Variants in SGCZ observed in about 807,000 individuals in gnomAD.
The protein encoded by SGCZ is sarcoglycan zeta.
SGCZ carries 40 observed loss-of-function variants against 41.3 expected under a neutral mutation model. The observed-to-expected ratio is 0.97, with a 90% confidence interval of 0.75 to 1.26. The LOEUF (loss-of-function observed/expected upper bound fraction) is 1.26, where lower values mean the gene tolerates loss of function less well. SGCZ is among the 50% of genes most tolerant of loss of function. The pLI is 0.00. For synonymous variants in SGCZ, 206 were observed against 137.5 expected (o/e 1.50, Z -3.49); for missense variants, 552 against 369.8 (o/e 1.49, Z -4.04).
chr8:14,761,254 A>C (rs1158897150), intron 1 of SGCZ, among the ~76,000 whole-genome samples: 1 of 152,142 alleles, frequency 6.6e-6, no homozygotes, highest in Non-Finnish European at 1.5e-5. Flanking sequence ...ATTTCTGAAA[A>C]GTACATATGT....
chr8:14,611,305 G>A (rs1031184249), intron 1 of SGCZ, among the ~76,000 whole-genome samples: 11 of 137,650 alleles, frequency 8.0e-5, no homozygotes, highest in African/African-American at 2.9e-4. Flanking sequence ...TATCTCAAAT[G>A]GAGAGAGTAA....
chr8:15,015,823 C>G lies in SGCZ; in HGVS notation c.39+221762G>C, dbSNP rs181587986. On this transcript the variant is annotated intron_variant, in intron 1 of 7. Transcript: ENST00000382080. The stretch of plus-strand genomic sequence containing the variant: ...TCTGATATCAGTTTCCAATCCCTCC[C>G]TTCTAGCCAATTTATTAAAATTCTT... Among the ~76,000 whole-genome samples, 12 of 148,702 alleles carry G rather than the reference C, an allele frequency of 8.1e-5. No individual in the cohort carries two copies. In the East Asian group the frequency reaches 1.6e-3, roughly 20 times the overall value.
At chr8:15,184,918 T>A (rs1331486082) in intron 1 of SGCZ, among the ~76,000 whole-genome samples, 2 of 152,190 alleles carry the variant, frequency 1.3e-5, no homozygotes, top group African/African-American at 4.8e-5. Flanking sequence ...ATACACATGC[T>A]GTCTGTCTCC....
chr8:14,827,870 A>G (rs1473865031), intron 1 of SGCZ, among the ~76,000 whole-genome samples: 1 of 152,178 alleles, frequency 6.6e-6, no homozygotes, highest in African/African-American at 2.4e-5. Flanking sequence ...ACAGACACAC[A>G]TATCACCCGG....
chr8:14,228,350 T>C (rs1563198294), intron 4 of SGCZ, among the ~76,000 whole-genome samples: 1 of 152,114 alleles, frequency 6.6e-6, no homozygotes, highest in South Asian at 2.1e-4. Flanking sequence ...TAATAAAATA[T>C]CTAAAAGAGA....
chr8:14,391,766 C>A (rs565549663), intron 2 of SGCZ, among the ~76,000 whole-genome samples: 12 of 152,204 alleles, frequency 7.9e-5, no homozygotes, highest in African/African-American at 2.9e-4. Context: ...TAAAGAAAAG[C>A]AATTTAATTG....
chr8:14,639,985 T>A (rs552947599), intron 1 of SGCZ, among the ~76,000 whole-genome samples: 6 of 151,832 alleles, frequency 4.0e-5, no homozygotes, highest in Non-Finnish European at 5.9e-5. Flanking sequence ...TCCCGAGATA[T>A]ACTTGTCATC....
Position 14,269,893 on chromosome 8 carries a change from G to A in SGCZ, c.337-32214C>T, listed in dbSNP as rs140052812. 7.2e-5 allele frequency among the ~76,000 whole-genome samples: 11 copies of A among 152,194 alleles called. No homozygotes were observed. The East Asian group carries it at 1.5e-3, about 21-fold the overall frequency. ...GCTGTCATGTATGTTTATTTGTTAT[G>A]TAAATATGTATTTATAATTTAACAA... On this transcript the variant is annotated intron_variant, in intron 3 of 7. Transcript: ENST00000382080.
chr8:14,646,356 T>C (rs761211964), intron 1 of SGCZ, among the ~76,000 whole-genome samples: 1 of 151,256 alleles, frequency 6.6e-6, no homozygotes, highest in Non-Finnish European at 1.5e-5. Flanking sequence ...TCCAGCTGCA[T>C]CCATGTTGCT....
intron 1 of SGCZ, among the ~76,000 whole-genome samples, chr8:15,015,723 A>G (rs1803004125): frequency 1.0e-5 from 1 of 97,114 alleles, no homozygotes; most frequent in Non-Finnish European, 2.1e-5. Flanking sequence ...AAAGAAATAT[A>G]CACGTGTGTG....
At chr8:14,534,819 T>C (rs1585056674) in intron 2 of SGCZ, among the ~76,000 whole-genome samples, 1 of 152,132 alleles carries the variant, frequency 6.6e-6, no homozygotes, top group South Asian at 2.1e-4. Context: ...ATACTACTAA[T>C]ATTGTGATTT....
chr8:14,463,671 G>T (rs1053106197), intron 2 of SGCZ, among the ~76,000 whole-genome samples: 1 of 151,674 alleles, frequency 6.6e-6, no homozygotes, highest in African/African-American at 2.4e-5. Flanking sequence ...TCAAAAATGT[G>T]TAACAAAAGG....
At chr8:14,465,242 G>A (rs1315509208) in intron 2 of SGCZ, among the ~76,000 whole-genome samples, 1 of 145,222 alleles carries the variant, frequency 6.9e-6, no homozygotes, top group East Asian at 1.9e-4. Flanking sequence ...ATGTTTTGAT[G>A]TTCTGCTATT....
chr8:14,269,977 G>A (rs754268363), intron 3 of SGCZ, among the ~76,000 whole-genome samples: 4 of 152,092 alleles, frequency 2.6e-5, no homozygotes, highest in Non-Finnish European at 5.9e-5. Context: ...ATAAGGATTG[G>A]CTATAAGTGG....
At chr8:14,332,988 G>C (rs1249008849) in intron 2 of SGCZ, among the ~76,000 whole-genome samples, 1 of 151,000 alleles carries the variant, frequency 6.6e-6, no homozygotes, top group African/African-American at 2.4e-5. Context: ...ACGGACCATA[G>C]CTATTCAATC....
At chr8:15,227,034 G>A (rs1347999539) in intron 1 of SGCZ, among the ~76,000 whole-genome samples, 1 of 152,152 alleles carries the variant, frequency 6.6e-6, no homozygotes, top group South Asian at 2.1e-4. Flanking sequence ...GTTAGATCAG[G>A]GTGACTGCAA....
At chr8:14,371,972 A>C (rs1047438476) in intron 2 of SGCZ, among the ~76,000 whole-genome samples, 1 of 152,140 alleles carries the variant, frequency 6.6e-6, no homozygotes, top group Non-Finnish European at 1.5e-5. Context: ...GAACTAGAGA[A>C]GAAAACAAAA....
chr8:15,182,900 T>C (rs1800219746), intron 1 of SGCZ, among the ~76,000 whole-genome samples: 2 of 152,236 alleles, frequency 1.3e-5, no homozygotes. Flanking sequence ...TTTCTTTCTT[T>C]ATATCTTTAA....
intron 3 of SGCZ, among the ~76,000 whole-genome samples, chr8:14,276,017 C>G (rs910878447): frequency 1.3e-5 from 2 of 152,196 alleles, no homozygotes; most frequent in Non-Finnish European, 2.9e-5. Flanking sequence ...ACATATATCA[C>G]CTTCTCCAGA....
Sources: allele counts gnomAD v4.1 joint callset (sites outside exome capture counted in the v4.1 genomes callset), GRCh38; gene constraint gnomAD v4.1.1; transcripts MANE v1.5; gene names NCBI Gene and HGNC (gene_info 2026-07-23, HGNC 2026-07-21).